CACNB4: variants seen among roughly 807,000 people sequenced by gnomAD.
CACNB4 encodes calcium voltage-gated channel auxiliary subunit beta 4.
In CACNB4, 32 loss-of-function variants were observed where a neutral mutation model predicts 71.2. The observed-to-expected ratio is 0.45, with a 90% CI of 0.34 to 0.60. The LOEUF is 0.60. CACNB4 is among the 20% of genes least tolerant of loss of function. CACNB4 has a pLI of 0.01. For synonymous variants in CACNB4, 231 were observed against 236.9 expected, an observed-to-expected ratio of 0.97 and a Z score of 0.23; for missense variants, 464 against 647.9, an observed-to-expected ratio of 0.72 and a Z score of 3.08.
intron 10 of CACNB4, chr2:151,859,578 C>T (rs1252271392): frequency 2.0e-5 from 3 of 152,210 alleles, no homozygotes; most frequent in African/African-American, 7.2e-5. Flanking sequence ...TGTACCTCTT[C>T]AAGGTCAAAA....
chr2:151,966,248 C>A (rs1043950766), intron 2 of CACNB4, among the ~76,000 whole-genome samples: 1 of 151,188 alleles, frequency 6.6e-6, no homozygotes, highest in Non-Finnish European at 1.5e-5. Context: ...AGATTCCCAA[C>A]TCCCAGCGTT....
At chr2:151,863,965 C>T (rs1373935663) in intron 9 of CACNB4, among the ~76,000 whole-genome samples, 1 of 152,138 alleles carries the variant, frequency 6.6e-6, no homozygotes, top group East Asian at 1.9e-4. Flanking sequence ...TTATTATTAT[C>T]AAAACCAGAC....
At chr2:151,894,492 C>G (rs951635558) in intron 2 of CACNB4, among the ~76,000 whole-genome samples, 4 of 152,112 alleles carry the variant, frequency 2.6e-5, no homozygotes, top group Non-Finnish European at 4.4e-5. Context: ...ACTGAATCCT[C>G]TAAGAACTGG....
At chr2:152,067,707 G>A (rs181647869) in intron 2 of CACNB4, among the ~76,000 whole-genome samples, 33 of 152,222 alleles carry the variant, frequency 2.2e-4, no homozygotes, top group East Asian at 2.1e-3. Context: ...TAGATCACCC[G>A]CCCTATTGCT....
chr2:151,992,773 C>G (rs1681782038), intron 2 of CACNB4, among the ~76,000 whole-genome samples: 1 of 152,156 alleles, frequency 6.6e-6, no homozygotes, highest in Non-Finnish European at 1.5e-5. Context: ...TCAGTCACCC[C>G]TAGAGAAACT....
chr2:151,876,320 C>T (rs2099846233), intron 5 of CACNB4, 106 bp downstream of exon 5: 2 of 908,976 alleles, frequency 2.2e-6, no homozygotes, highest in Admixed American at 3.0e-5. Flanking sequence ...GTTTCAGAAA[C>T]ACTTTGCACA....
intron 12 of CACNB4, among the ~76,000 whole-genome samples, chr2:151,845,824 A>T (rs760172492): frequency 6.6e-6 from 1 of 152,234 alleles, no homozygotes; most frequent in Non-Finnish European, 1.5e-5. Flanking sequence ...TGTGGCTGCC[A>T]AAGTAAATAA....
intron 2 of CACNB4, among the ~76,000 whole-genome samples, chr2:152,044,699 C>T (rs2105262764): frequency 6.6e-6 from 1 of 152,186 alleles, no homozygotes; most frequent in South Asian, 2.1e-4. Context: ...CATCCCACAC[C>T]CTTTGTTTGG....
chr2:152,092,949 C>T (rs1688058346), intron 2 of CACNB4, among the ~76,000 whole-genome samples: 1 of 151,928 alleles, frequency 6.6e-6, no homozygotes. Context: ...ACAATGTTAA[C>T]AATATGTCAT....
intron 2 of CACNB4, among the ~76,000 whole-genome samples, chr2:152,013,718 G>A (rs1683189720): frequency 6.6e-6 from 1 of 152,204 alleles, no homozygotes; most frequent in African/African-American, 2.4e-5. Context: ...CAGCAAGAAT[G>A]TGAGAGCTGT....
intron 12 of CACNB4, chr2:151,850,179 C>G (rs961405719): frequency 1.8e-4 from 20 of 112,200 alleles, no homozygotes; most frequent in African/African-American, 5.9e-4. Flanking sequence ...GAGTCTTGCT[C>G]TGTCACCCAG....
At chr2:151,900,234 A>C (rs565586767) in intron 2 of CACNB4, among the ~76,000 whole-genome samples, 5 of 152,330 alleles carry the variant, frequency 3.3e-5, no homozygotes, top group Admixed American at 3.3e-4. Context: ...CAAGTTGGAG[A>C]AATAAGATCT....
chr2:152,035,037 C>T (rs1684482046), intron 2 of CACNB4, among the ~76,000 whole-genome samples: 1 of 152,190 alleles, frequency 6.6e-6, no homozygotes, highest in Non-Finnish European at 1.5e-5. Flanking sequence ...GACCTAATCA[C>T]AAATTGGCAA....
intron 2 of CACNB4, among the ~76,000 whole-genome samples, chr2:152,007,770 C>A (rs1442819887): frequency 6.8e-6 from 1 of 146,020 alleles, no homozygotes; most frequent in Admixed American, 6.7e-5. Context: ...GGTAATTCTA[C>A]GTAATTTTTT....
chr2:151,998,257 G>A (rs922094049), intron 2 of CACNB4, among the ~76,000 whole-genome samples: 12 of 146,882 alleles, frequency 8.2e-5, no homozygotes, highest in African/African-American at 2.6e-4. Context: ...CTCAGGAGGC[G>A]TAGGTTGTGG....
intron 2 of CACNB4, among the ~76,000 whole-genome samples, chr2:151,958,535 C>T (rs915189126): frequency 7.9e-5 from 12 of 152,208 alleles, no homozygotes; most frequent in African/African-American, 2.9e-4. Flanking sequence ...TTTCCAATCT[C>T]AGTGGCATCA....
intron 2 of CACNB4, among the ~76,000 whole-genome samples, chr2:152,064,605 A>T (rs1014112994): frequency 6.6e-6 from 1 of 151,318 alleles, no homozygotes; most frequent in Non-Finnish European, 1.5e-5. Context: ...CTAGTCTCAA[A>T]CTCCTGACCT....
At position 151,860,893 on chromosome 2, in the gene CACNB4, A is replaced by C. The variant is rs974407751; in HGVS notation, c.759-73T>G. On this transcript the variant is annotated intron_variant, in intron 9 of 13. Transcript: ENST00000539935. ...GGCTCTCCAAGTGATTTATAACCACAGTACTTAATAACCAATTTACATGCT... is the reference window on the plus strand; with the variant it reads ...GGCTCTCCAAGTGATTTATAACCACCGTACTTAATAACCAATTTACATGCT... 5.3e-6 allele frequency: 5 copies of C among 943,444 alleles called. No homozygotes were observed. In the Admixed American group the frequency reaches 5.4e-5, roughly 10 times the overall value. 58.4% of individuals were successfully genotyped at this position (943,444 alleles called of 1,614,324 possible).
At chr2:151,957,606 C>T (rs1029391951) in intron 2 of CACNB4, among the ~76,000 whole-genome samples, 1 of 152,132 alleles carries the variant, frequency 6.6e-6, no homozygotes, top group Admixed American at 6.5e-5. Context: ...CTCGAGCTGA[C>T]CAAGACAATA....
Sources: allele counts gnomAD v4.1 joint callset (sites outside exome capture counted in the v4.1 genomes callset), GRCh38; gene constraint gnomAD v4.1.1; transcripts MANE v1.5; gene names NCBI Gene and HGNC (gene_info 2026-07-23, HGNC 2026-07-21).